WNK3: variants seen among roughly 807,000 people sequenced by gnomAD.
WNK3 encodes serine/threonine-protein kinase WNK3.
Under a neutral mutation model 116.7 loss-of-function variants are expected in WNK3, and 18 were observed. That is an observed-to-expected ratio of 0.15 (90% CI 0.11 to 0.23). The LOEUF (loss-of-function observed/expected upper bound fraction) is 0.23. WNK3 is among the 10% of genes least tolerant of loss of function. The probability of loss-of-function intolerance (pLI) is 1.00; values close to 1 mark genes in which losing one functional copy is unlikely to be tolerated. For synonymous variants in WNK3, 404 were observed against 469.4 expected (o/e 0.86, Z 1.80); for missense variants, 993 against 1,323.8 (o/e 0.75, Z 3.88).
intron 5 of WNK3, among the ~76,000 whole-genome samples, chrX:54,307,416 C>T (rs1213660551): frequency 9.0e-6 from 1 of 110,547 alleles, no homozygotes; most frequent in African/African-American, 3.3e-5. Flanking sequence ...ATTTTATAGT[C>T]ATTTGTGAAT....
intron 3 of WNK3, among the ~76,000 whole-genome samples, chrX:54,310,526 G>A: frequency 9.1e-6 from 1 of 109,544 alleles, no homozygotes; most frequent in Non-Finnish European, 1.9e-5. Context: ...ACTCCAGTCT[G>A]GGTGACAGAG....
In WNK3 at chrX:54,222,916, AT is replaced by A. The variant is rs1332438521; in HGVS notation, c.4870+5797del. On this transcript the variant is annotated intron_variant, in intron 22 of 23. Transcript: ENST00000354646. ...TAGTATAATAATAATAATAATAATA[AT>A]ATATATATATATATATATATATAAA... Among the ~76,000 whole-genome samples the A allele has an allele frequency of 1.9e-3, 113 of 59,705 alleles. 1 individual carries two copies. The highest frequency in any genetic ancestry group is 0.017 in the Middle Eastern group (2 of 120). The allele number at this position is 59,705 out of a possible 115,157, so 51.8% of individuals were successfully genotyped here.
chrX:54,253,979 C>G (rs782261658), exon 13 of WNK3: 1 of 1,205,806 alleles, frequency 8.3e-7, no homozygotes, highest in South Asian at 1.8e-5. Flanking sequence ...GCAATATCCT[C>G]TGGCGCATCA....
intron 2 of WNK3, among the ~76,000 whole-genome samples, chrX:54,331,407 T>C (rs2069170568): frequency 1.8e-5 from 2 of 109,564 alleles, no homozygotes; most frequent in Admixed American, 9.9e-5. Context: ...TATACACACA[T>C]ACATATACCA....
At chrX:54,271,172 A>T (rs1166400254) in intron 10 of WNK3, among the ~76,000 whole-genome samples, 2 of 112,406 alleles carry the variant, frequency 1.8e-5, no homozygotes, top group Non-Finnish European at 3.7e-5. Flanking sequence ...AATTAAAAAA[A>T]TATATATACC....
intron 13 of WNK3, 101 bp downstream of exon 13, chrX:54,253,858 C>T (rs782206922): frequency 4.5e-5 from 26 of 581,354 alleles, no homozygotes; most frequent in Middle Eastern, 3.4e-4. Context: ...TAAAACTAAT[C>T]GTACTCTAAA....
At chrX:54,292,739 G>A in intron 10 of WNK3, 149 bp downstream of exon 10, 2 of 476,183 alleles carry the variant, frequency 4.2e-6, no homozygotes, top group Non-Finnish European at 6.6e-6. Flanking sequence ...GGAATGTCTT[G>A]GGTGAAGGAA....
intron 2 of WNK3, among the ~76,000 whole-genome samples, chrX:54,316,691 A>T (rs1161538141): frequency 9.0e-6 from 1 of 110,678 alleles, no homozygotes; most frequent in Non-Finnish European, 1.9e-5. Flanking sequence ...AAGATGCTCA[A>T]CATCATTAGT....
At chrX:54,282,726 G>C (rs1277085834) in intron 10 of WNK3, among the ~76,000 whole-genome samples, 1 of 111,748 alleles carries the variant, frequency 8.9e-6, no homozygotes. Flanking sequence ...TGGGTGAATA[G>C]TCTTTTGAAT....
In WNK3 at chrX:54,232,675, A is replaced by C. The variant is rs1014173646; in HGVS notation, c.4840+134T>G. The C allele has an allele frequency of 8.7e-6, 5 of 571,540 alleles. No homozygotes were observed. The African/African-American group carries it at 1.2e-4, about 13-fold the overall frequency. The allele number at this position is 571,540 out of a possible 1,213,427, so 47.1% of individuals were successfully genotyped here. On this transcript the variant is annotated intron_variant, in intron 21 of 23. Coordinates refer to ENST00000354646, the Ensembl canonical transcript of WNK3. ...AAGGACATTTAACATCAAAAACAGA[A>C]AATAATCTCAGAATAATGTGTACTT...
At chrX:54,340,009 G>C (rs1371080167) in intron 1 of WNK3, among the ~76,000 whole-genome samples, 1 of 110,292 alleles carries the variant, frequency 9.1e-6, no homozygotes, top group Non-Finnish European at 1.9e-5. Context: ...AATTAGCCAG[G>C]CATGGTGGCA....
chrX:54,323,802 T>A (rs147109744), intron 2 of WNK3, among the ~76,000 whole-genome samples: 2 of 111,481 alleles, frequency 1.8e-5, no homozygotes, highest in Non-Finnish European at 3.8e-5. Context: ...GGCCTGTGTC[T>A]GCTTTTTCTC....
chrX:54,226,442 C>A (rs1352191903), intron 22 of WNK3, among the ~76,000 whole-genome samples: 1 of 95,854 alleles, frequency 1.0e-5, no homozygotes, highest in African/African-American at 3.9e-5. Flanking sequence ...GGCACTCCAG[C>A]CTGGGCGACA....
chrX:54,310,771 C>T (rs782643530), intron 3 of WNK3, among the ~76,000 whole-genome samples: 2 of 109,352 alleles, frequency 1.8e-5, no homozygotes, highest in Admixed American at 9.9e-5. Flanking sequence ...GCTTTGTCAA[C>T]CAGGCTGGAA....
intron 2 of WNK3, among the ~76,000 whole-genome samples, chrX:54,318,903 C>A (rs1466451767): frequency 9.1e-6 from 1 of 109,602 alleles, no homozygotes; most frequent in Non-Finnish European, 1.9e-5. Flanking sequence ...CAGCCTCCCC[C>A]AGTAGCTGGG....
intron 22 of WNK3, among the ~76,000 whole-genome samples, chrX:54,204,459 G>A (rs1443022863): frequency 9.0e-6 from 1 of 111,731 alleles, no homozygotes; most frequent in Admixed American, 9.6e-5. Flanking sequence ...TATAAGAAGA[G>A]TTTAATGAAT....
intron 1 of WNK3, among the ~76,000 whole-genome samples, chrX:54,347,363 A>C (rs1016869316): frequency 5.4e-5 from 6 of 111,479 alleles, no homozygotes; most frequent in Non-Finnish European, 1.1e-4. Context: ...GCATGTGCCT[A>C]TGATCCCAGC....
chrX:54,222,917 T>TAATAATA (rs1398375135), intron 22 of WNK3, among the ~76,000 whole-genome samples: 5 of 81,176 alleles, frequency 6.2e-5, no homozygotes, highest in African/African-American at 2.4e-4. Context: ...ATAATAATAA[T>TAATAATA]ATATATATAT....
intron 1 of WNK3, among the ~76,000 whole-genome samples, chrX:54,349,873 C>T (rs1195383082): frequency 9.0e-6 from 1 of 110,636 alleles, no homozygotes; most frequent in Non-Finnish European, 1.9e-5. Flanking sequence ...GAACAAGATC[C>T]CACCTTTAAA....
Sources: gnomAD v4.1 joint callset for allele counts (sites outside exome capture counted in the v4.1 genomes callset) on GRCh38, gnomAD v4.1.1 for gene constraint, MANE v1.5 for transcripts, NCBI Gene and HGNC (gene_info 2026-07-23, HGNC 2026-07-21) for gene names.